Variants in UNC13C observed in about 807,000 individuals in gnomAD.
The protein encoded by UNC13C is protein unc-13 homolog C.
A neutral mutation model predicts 245.4 loss-of-function variants in UNC13C; 174 were observed. That is an observed-to-expected ratio of 0.71 (90% CI 0.63 to 0.80). The LOEUF (loss-of-function observed/expected upper bound fraction) is 0.80. Ranked by LOEUF, UNC13C falls within the 30% of genes least tolerant of loss-of-function variation. UNC13C has a pLI of 0.00. For synonymous variants in UNC13C, 992 were observed against 895.1 expected, an observed-to-expected ratio of 1.11 and a Z score of -1.93; for missense variants, 2,829 against 2,602.9, an observed-to-expected ratio of 1.09 and a Z score of -1.89.
chr15:54,616,840 G>A (rs1324300490), intron 30 of UNC13C, among the ~76,000 whole-genome samples: 1 of 151,990 alleles, frequency 6.6e-6, no homozygotes, highest in African/African-American at 2.4e-5. Context: ...CATTGACTCA[G>A]CCAGGGCAAC....
intron 10 of UNC13C, among the ~76,000 whole-genome samples, chr15:54,282,767 T>C (rs2037032527): frequency 6.6e-6 from 1 of 152,010 alleles, no homozygotes; most frequent in South Asian, 2.1e-4. Context: ...AATTGAAGGA[T>C]GGTGAAGGTG....
rs145842526 is a variant in UNC13C at position 54,397,661 on chromosome 15, G to A, written c.4847+4480G>A. Among the ~76,000 whole-genome samples the A allele has an allele frequency of 1.5e-3, 231 of 151,302 alleles. 2 individuals are homozygous for A. The highest frequency in any genetic ancestry group is 5.3e-3 in the African/African-American group (220 of 41,438). ...TTGAATTTTATAATCCATTAACATG[G>A]CATGTACATGCATTAAGGTCTTATT... is the stretch of plus-strand genomic sequence containing the variant. On this transcript the variant is annotated intron_variant, in intron 18 of 32. Coordinates refer to ENST00000260323, the MANE Select transcript of UNC13C (RefSeq NM_001080534.3).
chr15:54,249,732 T>C (rs187740831), intron 7 of UNC13C, among the ~76,000 whole-genome samples: 40 of 152,322 alleles, frequency 2.6e-4, no homozygotes. Flanking sequence ...GATGCTTTCT[T>C]ATGAATTAGG....
intron 19 of UNC13C, among the ~76,000 whole-genome samples, chr15:54,416,571 TA>T (rs1029697944): frequency 6.6e-6 from 1 of 152,164 alleles, no homozygotes; most frequent in Non-Finnish European, 1.5e-5. Context: ...CACATCCTTT[TA>T]CATCTCTCTG....
chr15:54,390,143 A>G (rs1003537593), intron 17 of UNC13C, among the ~76,000 whole-genome samples: 10 of 152,234 alleles, frequency 6.6e-5, no homozygotes, highest in Admixed American at 2.0e-4. Context: ...TGCCACAGAA[A>G]TATTTTATAA....
intron 2 of UNC13C, among the ~76,000 whole-genome samples, chr15:54,077,947 C>T (rs145677973): frequency 3.0e-4 from 46 of 152,242 alleles, no homozygotes; most frequent in African/African-American, 9.1e-4. Flanking sequence ...GTACCTAATA[C>T]GTAGTTTTTC....
intron 4 of UNC13C, among the ~76,000 whole-genome samples, chr15:54,212,835 C>G (rs879556989): frequency 1.3e-5 from 2 of 152,022 alleles, no homozygotes; most frequent in Non-Finnish European, 2.9e-5. Context: ...TTGGAAAGCT[C>G]AATTTCAGTT....
chr15:54,594,098 C>T (rs1898940808), intron 30 of UNC13C, among the ~76,000 whole-genome samples: 1 of 152,132 alleles, frequency 6.6e-6, no homozygotes, highest in Admixed American at 6.5e-5. Flanking sequence ...TGTCTCTCTT[C>T]TGGGTCTAGC....
At chr15:54,441,394 T>C (rs1890519161) in intron 19 of UNC13C, among the ~76,000 whole-genome samples, 1 of 152,122 alleles carries the variant, frequency 6.6e-6, no homozygotes, top group Admixed American at 6.6e-5. Context: ...TATAGATGTC[T>C]AACTTTTCTA....
chr15:54,187,986 T>A (rs1443313525), intron 4 of UNC13C, among the ~76,000 whole-genome samples: 1 of 151,946 alleles, frequency 6.6e-6, no homozygotes, highest in Non-Finnish European at 1.5e-5. Flanking sequence ...CACGGATAAT[T>A]TTTATATTTT....
chr15:54,581,701 C>T (rs781525313), intron 30 of UNC13C, among the ~76,000 whole-genome samples: 3 of 152,230 alleles, frequency 2.0e-5, no homozygotes, highest in Non-Finnish European at 2.9e-5. Flanking sequence ...TACCAACATT[C>T]TATCTATAGC....
At chr15:54,223,989 A>G (rs1437363739) in intron 4 of UNC13C, among the ~76,000 whole-genome samples, 1 of 152,096 alleles carries the variant, frequency 6.6e-6, no homozygotes, top group Non-Finnish European at 1.5e-5. Flanking sequence ...TTGATTTTGT[A>G]TCCTGCAACT....
chr15:53,856,402 T>C, the UNC13C span, among the ~76,000 whole-genome samples: 4 of 152,036 alleles, frequency 2.6e-5, no homozygotes, highest in Non-Finnish European at 4.4e-5. Flanking sequence ...AGATGTTATA[T>C]TGTTAACTTG....
At chr15:54,476,159 G>GT (rs1262464879) in intron 19 of UNC13C, among the ~76,000 whole-genome samples, 2 of 117,874 alleles carry the variant, frequency 1.7e-5, no homozygotes, top group African/African-American at 6.3e-5. Flanking sequence ...GGGGTTGTTT[G>GT]TTTTTTTCTT....
At chr15:54,621,150 T>G (rs1021038979) in intron 30 of UNC13C, among the ~76,000 whole-genome samples, 4 of 152,194 alleles carry the variant, frequency 2.6e-5, no homozygotes, top group African/African-American at 9.7e-5. Context: ...TTGATGATTC[T>G]CTCAAGATAG....
intron 4 of UNC13C, among the ~76,000 whole-genome samples, chr15:54,184,505 A>G (rs1414631046): frequency 1.3e-5 from 2 of 151,978 alleles, no homozygotes; most frequent in Non-Finnish European, 2.9e-5. Flanking sequence ...CCTATGAGTG[A>G]GAACATGCAG....
At chr15:54,287,646 A>G (rs1364514603) in intron 10 of UNC13C, among the ~76,000 whole-genome samples, 1 of 152,156 alleles carries the variant, frequency 6.6e-6, no homozygotes, top group African/African-American at 2.4e-5. Flanking sequence ...GTAAAGGGAG[A>G]AAAAAGAGGA....
At chr15:54,189,151 A>G (rs978842298) in intron 4 of UNC13C, among the ~76,000 whole-genome samples, 4 of 152,176 alleles carry the variant, frequency 2.6e-5, no homozygotes, top group Non-Finnish European at 5.9e-5. Context: ...CTGTATTCAT[A>G]TGAGACTAGA....
intron 30 of UNC13C, among the ~76,000 whole-genome samples, chr15:54,580,050 TG>T (rs1898133530): frequency 6.6e-6 from 1 of 152,204 alleles, no homozygotes; most frequent in Non-Finnish European, 1.5e-5. Flanking sequence ...GTGGAAATAC[TG>T]ACATGTCAGA....
Sources: gnomAD v4.1 joint callset for allele counts (sites outside exome capture counted in the v4.1 genomes callset) on GRCh38, gnomAD v4.1.1 for gene constraint, MANE v1.5 for transcripts, NCBI Gene and HGNC (gene_info 2026-07-23, HGNC 2026-07-21) for gene names.